KCNU1: variants seen among roughly 807,000 people sequenced by gnomAD.
KCNU1 encodes potassium channel subfamily U member 1.
A neutral mutation model predicts 126.8 loss-of-function variants in KCNU1; 93 were observed. The ratio of observed to expected loss-of-function variants is 0.73; its 90% CI spans 0.62 to 0.87. KCNU1 has a LOEUF of 0.87. Among genes scored for constraint, KCNU1 ranks in the 40% least tolerant of loss-of-function variants. The pLI, the probability that KCNU1 is intolerant of heterozygous loss-of-function variation, is 0.00. For synonymous variants in KCNU1, 523 were observed against 494.2 expected, an observed-to-expected ratio of 1.06 and a Z score of -0.77; for missense variants, 1,330 against 1,367.1, an observed-to-expected ratio of 0.97 and a Z score of 0.43.
intron 26 of KCNU1, among the ~76,000 whole-genome samples, chr8:36,935,192 C>T (rs758417326): frequency 2.0e-5 from 3 of 151,972 alleles, no homozygotes; most frequent in South Asian, 2.1e-4. Flanking sequence ...ACCGTCTTCC[C>T]CCTCTTCCCA....
intron 14 of KCNU1, among the ~76,000 whole-genome samples, chr8:36,837,457 G>C (rs926367653): frequency 1.1e-4 from 17 of 152,078 alleles, no homozygotes; most frequent in African/African-American, 3.6e-4. Flanking sequence ...GTAACCACAT[G>C]ATGAGTGCCT....
At position 36,787,413 on chromosome 8, in the gene KCNU1, G is replaced by A. The variant is rs1253909227; in HGVS notation, c.303G>A (p.Val101=). Residue 101 remains valine (V), a synonymous_variant, in exon 2 of 27, where the codon GTG becomes GTA. Transcript: ENST00000399881. ...TGTTGCTTTCAGCCCAGACCTTTGT[G>A]GGGCAAGTGTTGGTAAGTACATTTT... The part of the protein sequence containing the change: ...IEMLLSAQTF[V]GQVLVILVFV... 7.5e-6 allele frequency: 12 copies of A among 1,609,432 alleles called. No individual in the cohort carries two copies. The highest frequency in any genetic ancestry group is 1.3e-5 in the African/African-American group (1 of 74,820).
chr8:36,819,437 C>T (rs377611435), intron 10 of KCNU1, among the ~76,000 whole-genome samples: 95 of 152,294 alleles, frequency 6.2e-4, no homozygotes, highest in African/African-American at 2.2e-3. Context: ...CTCTGATACT[C>T]CTGTCCCCCT....
intron 23 of KCNU1, among the ~76,000 whole-genome samples, chr8:36,920,736 G>A (rs758577161): frequency 3.2e-4 from 48 of 152,320 alleles, no homozygotes; most frequent in Middle Eastern, 3.4e-3. Context: ...GTGCGCGCAC[G>A]TGCGCATGTG....
chr8:36,786,670 G>A (rs1007765226), intron 1 of KCNU1, among the ~76,000 whole-genome samples: 12 of 152,160 alleles, frequency 7.9e-5, no homozygotes, highest in Admixed American at 3.9e-4. Context: ...CTGATATTAG[G>A]AAAGTCATTT....
intron 19 of KCNU1, among the ~76,000 whole-genome samples, chr8:36,904,189 A>G (rs187821684): frequency 6.6e-6 from 1 of 152,302 alleles, no homozygotes. Flanking sequence ...GGTAACAGCT[A>G]TGAAATCTCA....
intron 25 of KCNU1, among the ~76,000 whole-genome samples, chr8:36,931,768 TG>T (rs1421078264): frequency 6.6e-6 from 1 of 151,954 alleles, no homozygotes; most frequent in Non-Finnish European, 1.5e-5. Flanking sequence ...CTTCTGTACG[TG>T]GGTCTAAGAA....
intron 19 of KCNU1, among the ~76,000 whole-genome samples, chr8:36,898,360 A>C (rs1807279726): frequency 6.6e-6 from 1 of 151,986 alleles, no homozygotes; most frequent in Admixed American, 6.6e-5. Flanking sequence ...TATTGTTTCC[A>C]GTCCCAATTC....
At chr8:36,917,228 T>C (rs1371006398) in intron 22 of KCNU1, among the ~76,000 whole-genome samples, 2 of 152,234 alleles carry the variant, frequency 1.3e-5, no homozygotes, top group African/African-American at 2.4e-5. Context: ...ATTTTTTTCC[T>C]CTTACATCCT....
intron 22 of KCNU1, among the ~76,000 whole-genome samples, chr8:36,917,721 C>G (rs768354335): frequency 2.0e-5 from 3 of 152,236 alleles, no homozygotes; most frequent in Middle Eastern, 3.4e-3. Context: ...TGATGTCATA[C>G]TTCTTTTTGA....
At chr8:36,845,253 T>G (rs1392059083) in intron 16 of KCNU1, among the ~76,000 whole-genome samples, 1 of 151,832 alleles carries the variant, frequency 6.6e-6, no homozygotes, top group East Asian at 1.9e-4. Context: ...ATTTGATAGC[T>G]TAAATCAGCA....
At chr8:36,785,401 A>G (rs1320449562) in intron 1 of KCNU1, among the ~76,000 whole-genome samples, 1 of 152,194 alleles carries the variant, frequency 6.6e-6, no homozygotes, top group African/African-American at 2.4e-5. Flanking sequence ...AATTTCCATA[A>G]CACAACACAT....
chr8:36,909,110 TC>T (rs1807756210), intron 20 of KCNU1, among the ~76,000 whole-genome samples, 200 bp from the exon 21 acceptor site: 1 of 152,106 alleles, frequency 6.6e-6, no homozygotes, highest in African/African-American at 2.4e-5. Context: ...AAAAAGAAAT[TC>T]CACAAAAAAG....
intron 19 of KCNU1, chr8:36,888,480 C>T (rs1046661228): frequency 1.2e-5 from 6 of 498,712 alleles, no homozygotes; most frequent in Non-Finnish European, 2.1e-5. Flanking sequence ...AGCCCCATCA[C>T]GATTATCTTC....
chr8:36,866,055 G>T (rs189781253), intron 19 of KCNU1, among the ~76,000 whole-genome samples: 1 of 152,042 alleles, frequency 6.6e-6, no homozygotes, highest in Non-Finnish European at 1.5e-5. Context: ...TTGGTCAAAA[G>T]GTACCAAGGA....
chr8:36,902,227 C>T (rs1807447430), intron 19 of KCNU1, among the ~76,000 whole-genome samples: 1 of 152,088 alleles, frequency 6.6e-6, no homozygotes, highest in Admixed American at 6.6e-5. Context: ...TTTTTCATAA[C>T]ATTAGAATGA....
chr8:36,866,279 T>G (rs1482993329), intron 19 of KCNU1, among the ~76,000 whole-genome samples: 1 of 152,176 alleles, frequency 6.6e-6, no homozygotes, highest in Non-Finnish European at 1.5e-5. Flanking sequence ...CACAGAGTCC[T>G]CTTCCGTTTA....
intron 19 of KCNU1, among the ~76,000 whole-genome samples, chr8:36,903,474 A>G (rs1481126274): frequency 6.6e-6 from 1 of 152,206 alleles, no homozygotes; most frequent in South Asian, 2.1e-4. Flanking sequence ...GACACACAGT[A>G]CAGTATATTC....
chr8:36,891,067 TCTG>T (rs1806944491), intron 19 of KCNU1, among the ~76,000 whole-genome samples: 1 of 151,886 alleles, frequency 6.6e-6, no homozygotes, highest in Non-Finnish European at 1.5e-5. Context: ...AGCATTTAAG[TCTG>T]CTATTTGGTA....
Sources: allele counts gnomAD v4.1 joint callset (sites outside exome capture counted in the v4.1 genomes callset), GRCh38; gene constraint gnomAD v4.1.1; transcripts MANE v1.5; gene names NCBI Gene and HGNC (gene_info 2026-07-23, HGNC 2026-07-21).